AFF1: variants seen among roughly 807,000 people sequenced by gnomAD.
The protein encoded by AFF1 is ALF transcription elongation factor 1.
AFF1 carries 48 observed loss-of-function variants against 121.7 expected under a neutral mutation model. The ratio of observed to expected loss-of-function variants is 0.39; its 90% CI spans 0.31 to 0.50. The LOEUF (loss-of-function observed/expected upper bound fraction) is 0.50. Among genes scored for constraint, AFF1 ranks in the 20% least tolerant of loss-of-function variants. The pLI is 0.76. For synonymous variants in AFF1, 613 were observed against 563.0 expected, an observed-to-expected ratio of 1.09 and a Z score of -1.26; for missense variants, 1,523 against 1,511.7, an observed-to-expected ratio of 1.01 and a Z score of -0.12.
intron 2 of AFF1, among the ~76,000 whole-genome samples, chr4:87,022,317 G>A (rs2149561155): frequency 6.6e-6 from 1 of 151,356 alleles, no homozygotes; most frequent in East Asian, 1.9e-4. Flanking sequence ...TGTGCTAGGA[G>A]CCAAGGTAGT....
At chr4:87,103,616 A>G (rs1019357663) in intron 8 of AFF1, among the ~76,000 whole-genome samples, 1 of 152,222 alleles carries the variant, frequency 6.6e-6, no homozygotes, top group Non-Finnish European at 1.5e-5. Context: ...AATTTTTAGA[A>G]TCTGGGACAG....
chr4:86,985,997 C>G (rs1724228388), intron 2 of AFF1, among the ~76,000 whole-genome samples: 1 of 151,064 alleles, frequency 6.6e-6, no homozygotes, highest in Non-Finnish European at 1.5e-5. Context: ...CTTAAAGTGA[C>G]TAATTAAACA....
intron 11 of AFF1, among the ~76,000 whole-genome samples, chr4:87,108,549 A>G (rs1726159521): frequency 6.6e-6 from 1 of 152,170 alleles, no homozygotes. Context: ...GTTGAAAATG[A>G]TAGGTCTTCT....
At chr4:87,001,383 A>AT (rs933597272) in intron 2 of AFF1, among the ~76,000 whole-genome samples, 8 of 151,220 alleles carry the variant, frequency 5.3e-5, no homozygotes, top group African/African-American at 1.9e-4. Flanking sequence ...CGCCTGGCTA[A>AT]TTTTTTGTAT....
At chr4:87,029,912 C>G (rs1234916539) in intron 2 of AFF1, among the ~76,000 whole-genome samples, 1 of 152,100 alleles carries the variant, frequency 6.6e-6, no homozygotes, top group Non-Finnish European at 1.5e-5. Context: ...ATGGAGGCTG[C>G]CTGCTTGGCA....
intron 2 of AFF1, among the ~76,000 whole-genome samples, chr4:86,978,317 G>GA (rs1289456528): frequency 6.7e-6 from 1 of 149,152 alleles, no homozygotes; most frequent in Admixed American, 6.8e-5. Context: ...CCGAAGAGCT[G>GA]GGACTACAGA....
intron 8 of AFF1, among the ~76,000 whole-genome samples, chr4:87,098,340 A>G (rs1406212272): frequency 2.6e-5 from 4 of 152,214 alleles, no homozygotes. Flanking sequence ...TGTTAGTGCA[A>G]TTTGCCCCTA....
Position 87,090,054 on chromosome 4 carries a change from T to C in AFF1, c.1175T>C (p.Phe392Ser). ...CCTAGTACAGCTGAGCCATCCAAGT[T>C]TCCTTTCCCTACAAAGGTAATTCCT... ...HTPSTAEPSK[F>S]PFPTKDSQHV... is the part of the protein sequence containing the mutation. The change falls in exon 6 of 21, where the codon TTT (phenylalanine) becomes TCT (serine). Residue 392 changes from phenylalanine (F) to serine (S), a missense_variant. Physicochemically the swap from Phe to Ser is radical, Grantham distance 155 (BLOSUM62 -2). Around this residue, in one of 5 missense-constraint regions of AFF1, gnomAD observed 905 missense variants for 842.5 expected, o/e 1.07. Transcript: ENST00000395146. 1 of 1,613,858 alleles carries C rather than the reference T, an allele frequency of 6.2e-7. No individual in the cohort carries two copies. Among genetic ancestry groups the C allele is most frequent in the East Asian group, 2.2e-5 (1 of 44,842 alleles).
At chr4:87,057,667 T>C (rs1440628100) in intron 4 of AFF1, among the ~76,000 whole-genome samples, 1 of 152,206 alleles carries the variant, frequency 6.6e-6, no homozygotes, top group African/African-American at 2.4e-5. Context: ...ACTGATCGTA[T>C]TGTTTATTGA....
intron 2 of AFF1, among the ~76,000 whole-genome samples, chr4:86,977,749 T>G (rs1337613566): frequency 6.6e-6 from 1 of 152,254 alleles, no homozygotes; most frequent in Non-Finnish European, 1.5e-5. Flanking sequence ...TACCTAACAC[T>G]GGCACATACT....
At chr4:87,107,997 A>G (rs777242984) in intron 10 of AFF1, among the ~76,000 whole-genome samples, 162 bp from the exon 11 acceptor site, 4 of 152,156 alleles carry the variant, frequency 2.6e-5, no homozygotes, top group Admixed American at 6.5e-5. Context: ...TTGCTTTTCT[A>G]TTAAACTACT....
chr4:87,001,463 G>A (rs1166351746), intron 2 of AFF1, among the ~76,000 whole-genome samples: 1 of 152,034 alleles, frequency 6.6e-6, no homozygotes, highest in Non-Finnish European at 1.5e-5. Flanking sequence ...TGATCCACCC[G>A]CCTCGGCCTC....
chr4:87,079,333 A>G (rs1252061571), intron 4 of AFF1, among the ~76,000 whole-genome samples: 2 of 152,242 alleles, frequency 1.3e-5, no homozygotes, highest in Non-Finnish European at 2.9e-5. Flanking sequence ...ATTCACTCAC[A>G]TATTTTATTT....
chr4:87,135,484 A>T, intron 20 of AFF1, 96 bp from the exon 21 acceptor site: 1 of 1,263,418 alleles, frequency 7.9e-7, no homozygotes, highest in Non-Finnish European at 1.1e-6. Context: ...TATTGTGGGG[A>T]CCTACCTTCT....
intron 2 of AFF1, among the ~76,000 whole-genome samples, chr4:86,967,115 A>AG (rs1722589865): frequency 6.6e-6 from 1 of 152,192 alleles, no homozygotes; most frequent in Admixed American, 6.5e-5. Context: ...CAGTGCTATC[A>AG]GGGAAATACA....
intron 2 of AFF1, among the ~76,000 whole-genome samples, chr4:87,004,261 G>T (rs1300308653): frequency 6.6e-6 from 1 of 151,970 alleles, no homozygotes; most frequent in African/African-American, 2.4e-5. Context: ...GAGAGGTGAG[G>T]GAGACATGGA....
At chr4:86,969,675 T>C (rs1722790162) in intron 2 of AFF1, among the ~76,000 whole-genome samples, 1 of 150,050 alleles carries the variant, frequency 6.7e-6, no homozygotes, top group African/African-American at 2.5e-5. Context: ...GGTCGGGAGA[T>C]CGAGACCATC....
At chr4:86,963,027 G>A (rs377765052) in intron 2 of AFF1, among the ~76,000 whole-genome samples, 12 of 151,816 alleles carry the variant, frequency 7.9e-5, no homozygotes, top group Admixed American at 2.0e-4. Context: ...TTAGCCAGGC[G>A]TGCTGGCATG....
Position 87,098,492 on chromosome 4 carries a change from G to A in AFF1, c.1283+3523G>A, listed in dbSNP as rs551274591. 2.1e-3 allele frequency among the ~76,000 whole-genome samples: 322 copies of A among 152,266 alleles called. 1 individual carries two copies. Among genetic ancestry groups the A allele is most frequent in the Non-Finnish European group, 3.4e-3 (231 of 68,018 alleles). On this transcript the variant is annotated intron_variant, in intron 8 of 20. Transcript: ENST00000395146. The stretch of plus-strand genomic sequence containing the variant: ...CAGTAACTGTGACCTTCATATAATT[G>A]TGGACAATTCTTTTTCTGTGCAGCC...
Sources: allele counts gnomAD v4.1 joint callset (sites outside exome capture counted in the v4.1 genomes callset), GRCh38; gene constraint gnomAD v4.1.1; regional missense constraint gnomAD v4.1.1; transcripts MANE v1.5; gene names NCBI Gene and HGNC (gene_info 2026-07-23, HGNC 2026-07-21).